The following EFNA5 variants were observed in gnomAD, a reference collection of about 807,000 sequenced individuals.
The protein encoded by EFNA5 is ephrin A5.
In EFNA5, 5 loss-of-function variants were observed where a neutral mutation model predicts 22.9. The ratio of observed to expected loss-of-function variants is 0.22; its 90% CI spans 0.11 to 0.46. The LOEUF (loss-of-function observed/expected upper bound fraction) is 0.46. Among genes scored for constraint, EFNA5 ranks in the 20% least tolerant of loss-of-function variants. The pLI, the probability that EFNA5 is intolerant of heterozygous loss-of-function variation, is 0.99. For synonymous variants in EFNA5, 113 were observed against 112.2 expected (o/e 1.01, Z -0.04); for missense variants, 237 against 293.3 (o/e 0.81, Z 1.40).
At chr5:107,561,443 A>G (rs1336434400) in intron 1 of EFNA5, among the ~76,000 whole-genome samples, 1 of 152,024 alleles carries the variant, frequency 6.6e-6, no homozygotes, top group Non-Finnish European at 1.5e-5. Flanking sequence ...ATCTTGGCCC[A>G]CTGCAACCTC....
intron 1 of EFNA5, among the ~76,000 whole-genome samples, chr5:107,592,859 A>G (rs2112505727): frequency 6.6e-6 from 1 of 152,332 alleles, no homozygotes; most frequent in African/African-American, 2.4e-5. Context: ...GCCCACTGCC[A>G]TTCTTTTCTG....
rs1025244798 is a variant in EFNA5 at position 107,379,902 on chromosome 5, G to A, written c.*1353C>T. The A allele has an allele frequency of 3.9e-5, 6 of 151,980 alleles. No homozygotes were observed. The highest frequency in any genetic ancestry group is 1.5e-4 in the African/African-American group (6 of 41,360). The allele number at this position is 151,980 out of a possible 1,614,324, so 9.4% of individuals were successfully genotyped here. ...AAATAATGTATTTTCTATTCTAGTGGATTTTTAAAAAAATATTTTGTTAAA... is the reference window on the plus strand; with the variant it reads ...AAATAATGTATTTTCTATTCTAGTGAATTTTTAAAAAAATATTTTGTTAAA... On this transcript the variant is annotated 3_prime_UTR_variant, in exon 5 of 5. Coordinates refer to ENST00000333274, the MANE Select transcript of EFNA5 (RefSeq NM_001962.3).
At chr5:107,543,019 C>T (rs551500827) in intron 1 of EFNA5, among the ~76,000 whole-genome samples, 2 of 152,206 alleles carry the variant, frequency 1.3e-5, no homozygotes, top group South Asian at 4.2e-4. Flanking sequence ...CTCACCCAGG[C>T]CCATTTACCG....
chr5:107,519,747 A>C (rs920360001), intron 1 of EFNA5, among the ~76,000 whole-genome samples: 2 of 152,252 alleles, frequency 1.3e-5, no homozygotes, highest in African/African-American at 2.4e-5. Context: ...AACTGTGCTT[A>C]AGTGAATTTA....
chr5:107,414,385 TC>T (rs1172116145), intron 2 of EFNA5, among the ~76,000 whole-genome samples: 1 of 152,222 alleles, frequency 6.6e-6, no homozygotes, highest in African/African-American at 2.4e-5. Flanking sequence ...ACTTTATTTC[TC>T]TTTTTGCTGT....
intron 1 of EFNA5, among the ~76,000 whole-genome samples, chr5:107,574,078 A>T (rs892551373): frequency 2.6e-5 from 4 of 152,266 alleles, no homozygotes; most frequent in African/African-American, 9.6e-5. Flanking sequence ...TAAGAAAAAC[A>T]GAATCTTAGG....
At chr5:107,510,989 T>C (rs1343930960) in intron 1 of EFNA5, among the ~76,000 whole-genome samples, 3 of 147,230 alleles carry the variant, frequency 2.0e-5, no homozygotes, top group African/African-American at 7.7e-5. Flanking sequence ...TAGTTGCATT[T>C]CTTTCTTTTT....
At chr5:107,416,990 T>C (rs1344540989) in intron 2 of EFNA5, among the ~76,000 whole-genome samples, 1 of 148,252 alleles carries the variant, frequency 6.7e-6, no homozygotes, top group Non-Finnish European at 1.5e-5. Flanking sequence ...GAAAATGAAC[T>C]TTTAAAAATG....
chr5:107,575,614 T>C (rs1425956426), intron 1 of EFNA5, among the ~76,000 whole-genome samples: 1 of 152,178 alleles, frequency 6.6e-6, no homozygotes, highest in Non-Finnish European at 1.5e-5. Context: ...ATGACTGAGA[T>C]CCTGAAAACT....
intron 1 of EFNA5, among the ~76,000 whole-genome samples, chr5:107,648,082 A>C (rs988088279): frequency 6.6e-6 from 1 of 152,222 alleles, no homozygotes; most frequent in Admixed American, 6.6e-5. Context: ...AAAAAGTTTA[A>C]CTGATTTTTT....
chr5:107,642,244 A>C (rs1253142887), intron 1 of EFNA5, among the ~76,000 whole-genome samples: 1 of 152,190 alleles, frequency 6.6e-6, no homozygotes, highest in African/African-American at 2.4e-5. Flanking sequence ...AGACAGAAGG[A>C]ATAAGTTCAA....
At chr5:107,562,739 T>C (rs1463274632) in intron 1 of EFNA5, among the ~76,000 whole-genome samples, 1 of 152,184 alleles carries the variant, frequency 6.6e-6, no homozygotes, top group Non-Finnish European at 1.5e-5. Context: ...CAAGAAATTT[T>C]TAAATCTAGT....
intron 1 of EFNA5, among the ~76,000 whole-genome samples, chr5:107,530,653 A>G (rs1344234761): frequency 6.6e-6 from 1 of 152,274 alleles, no homozygotes; most frequent in Non-Finnish European, 1.5e-5. Flanking sequence ...AGTGAGAAGA[A>G]GGACAGAGTG....
Position 107,381,231 on chromosome 5 carries a change from G to T in EFNA5, c.*24C>A. The stretch of plus-strand genomic sequence containing the variant: ...GTTCCAAGACCCTGATGTTTTCTGT[G>T]ACAAGTGATGGGAGGAGACTGTGCT... On this transcript the variant is annotated 3_prime_UTR_variant, in exon 5 of 5. Transcript: ENST00000333274. 6.2e-7 allele frequency: 1 copy of T among 1,604,044 alleles called. No homozygotes were observed. Among genetic ancestry groups the T allele is most frequent in the South Asian group, 1.1e-5 (1 of 90,640 alleles).
intron 1 of EFNA5, among the ~76,000 whole-genome samples, chr5:107,547,734 T>C (rs966250581): frequency 6.6e-6 from 1 of 152,206 alleles, no homozygotes; most frequent in African/African-American, 2.4e-5. Context: ...TGATGATATA[T>C]ATACTAATTG....
intron 1 of EFNA5, among the ~76,000 whole-genome samples, chr5:107,464,651 T>G (rs1749927203): frequency 6.6e-6 from 1 of 152,176 alleles, no homozygotes; most frequent in African/African-American, 2.4e-5. Flanking sequence ...CCTGACAGTT[T>G]AGTTAAACCT....
chr5:107,452,005 A>C (rs1175772048), intron 1 of EFNA5, among the ~76,000 whole-genome samples: 2 of 152,242 alleles, frequency 1.3e-5, no homozygotes, highest in Non-Finnish European at 2.9e-5. Flanking sequence ...CAGGATAAAG[A>C]AAATGTGGTA....
intron 1 of EFNA5, among the ~76,000 whole-genome samples, chr5:107,637,496 CTG>C (rs61667880): frequency 0.03 from 4,485 of 147,610 alleles, 200 homozygotes; most frequent in African/African-American, 0.097. Flanking sequence ...CAGCAAGGCA[CTG>C]TGTGTGTGTG....
At chr5:107,514,007 G>A (rs1189513397) in intron 1 of EFNA5, among the ~76,000 whole-genome samples, 3 of 152,170 alleles carry the variant, frequency 2.0e-5, no homozygotes, top group African/African-American at 7.2e-5. Flanking sequence ...CAGGACCACG[G>A]GGGTAGAAAT....
Sources: allele counts gnomAD v4.1 joint callset (sites outside exome capture counted in the v4.1 genomes callset), GRCh38; gene constraint gnomAD v4.1.1; transcripts MANE v1.5; gene names NCBI Gene and HGNC (gene_info 2026-07-23, HGNC 2026-07-21).